Variants in ODAD1 observed in about 807,000 individuals in gnomAD.
The protein encoded by ODAD1 is outer dynein arm-docking complex subunit 1.
Under a neutral mutation model 67.2 loss-of-function variants are expected in ODAD1, and 49 were observed. The observed-to-expected ratio is 0.73, with a 90% CI of 0.58 to 0.92. The LOEUF is 0.92. Ranked by LOEUF, ODAD1 falls within the 40% of genes least tolerant of loss-of-function variation. The probability of loss-of-function intolerance (pLI) is 0.00; values close to 1 mark genes in which losing one functional copy is unlikely to be tolerated. For synonymous variants in ODAD1, 345 were observed against 393.7 expected (o/e 0.88, Z 1.46); for missense variants, 897 against 953.7 (o/e 0.94, Z 0.78).
intron 7 of ODAD1, among the ~76,000 whole-genome samples, chr19:48,309,447 T>C (rs1484448417): frequency 6.6e-6 from 1 of 151,950 alleles, no homozygotes; most frequent in Non-Finnish European, 1.5e-5. Context: ...GGAACCACCC[T>C]CTCCAGGGCC....
At position 48,303,847 on chromosome 19, in the gene ODAD1, G is replaced by A. The variant is rs555701919; in HGVS notation, c.854-63C>T. On this transcript the variant is annotated intron_variant, in intron 9 of 15. Transcript: ENST00000674294. ...GGCCTCCAACACAGAGACCTCCTGGGTGAGGGGGAGCGAAGTGTGGTCCCA... is the reference window on the plus strand; with the variant it reads ...GGCCTCCAACACAGAGACCTCCTGGATGAGGGGGAGCGAAGTGTGGTCCCA... 799 of 1,576,016 alleles carry A rather than the reference G, an allele frequency of 5.1e-4. 3 individuals are homozygous for A. The highest frequency in any genetic ancestry group is 8.5e-4 in the Middle Eastern group (5 of 5,870).
chr19:48,317,594 T>C (rs1056936131), intron 5 of ODAD1, among the ~76,000 whole-genome samples: 1 of 152,158 alleles, frequency 6.6e-6, no homozygotes, highest in Non-Finnish European at 1.5e-5. Context: ...AGTCCTGTTT[T>C]TGAATGCCTG....
At position 48,297,110 on chromosome 19, in the gene ODAD1, CCT is replaced by C. The variant is rs1443056694; in HGVS notation, c.1988_1989del (p.Glu663GlyfsTer11). 2 of 1,613,584 alleles carry C rather than the reference CCT, an allele frequency of 1.2e-6. No homozygotes were observed. The highest frequency in any genetic ancestry group is 8.5e-7 in the Non-Finnish European group (1 of 1,179,682). ...GCTGTGCCTCCGCTCTCCACACCAC[CCT>C]CTGTGTTTTCTCCGCCCCTGCTGGA... ...VGSSRGGENT[E>X]GGVESGGTAS... On this transcript the variant is annotated frameshift_variant, in exon 16 of 16. Transcript: ENST00000674294. LOFTEE classifies it low-confidence loss of function (END_TRUNC).
At chr19:48,317,212 A>G (rs1569011960) in intron 5 of ODAD1, among the ~76,000 whole-genome samples, 1 of 149,506 alleles carries the variant, frequency 6.7e-6, no homozygotes, top group African/African-American at 2.4e-5. Context: ...TAAAAAATGT[A>G]TATATATATA....
In ODAD1 at chr19:48,298,294, G is replaced by C. The variant is rs375942259; in HGVS notation, c.1287C>G (p.Ile429Met). Residue 429 changes from isoleucine (I) to methionine (M), a missense_variant, in exon 13 of 16, where the codon ATC (isoleucine) becomes ATG (methionine). Transcript: ENST00000674294. ...TGGTCTTGACCCCAAGGAGGTCATC[G>C]ATCATGCTGCTGTCGCAATGGGCCT... ...FTKAHCDSSMIDDLLGVKTSM... is the reference protein window; with the variant it reads ...FTKAHCDSSMMDDLLGVKTSM... 2 of 1,614,072 alleles carry C rather than the reference G, an allele frequency of 1.2e-6. No individual in the cohort carries two copies. The highest frequency in any genetic ancestry group is 3.3e-5 in the Admixed American group (2 of 60,010).
intron 7 of ODAD1, among the ~76,000 whole-genome samples, chr19:48,306,826 C>T (rs1284945701): frequency 6.6e-6 from 1 of 152,142 alleles, no homozygotes; most frequent in Non-Finnish European, 1.5e-5. Flanking sequence ...GCGGGCAGAT[C>T]ACCTGAGCTT....
Position 48,304,089 on chromosome 19 carries a change from C to T in ODAD1, c.717G>A (p.Glu239=), listed in dbSNP as rs765089177. 4 of 1,613,976 alleles carry T rather than the reference C, an allele frequency of 2.5e-6. No individual in the cohort carries two copies. The highest frequency in any genetic ancestry group is 3.4e-6 in the Non-Finnish European group (4 of 1,179,938). ...GCGCCTCCATCTCGCTCTGGGCCTCCTCTTTCTCCGCGCGCTCCCGCAGCA... is the reference window on the plus strand; with the variant it reads ...GCGCCTCCATCTCGCTCTGGGCCTCTTCTTTCTCCGCGCGCTCCCGCAGCA... ...MGLLRERAEK[E]EAQSEMEAQV... is the part of the protein sequence containing the mutation. The change falls in exon 9 of 16, where the codon GAG becomes GAA. Residue 239 remains glutamate, a synonymous_variant. Transcript: ENST00000674294.
intron 5 of ODAD1, 110 bp from the exon 6 acceptor site, chr19:48,312,226 C>G (rs1968782091): frequency 1.3e-6 from 1 of 784,936 alleles, no homozygotes; most frequent in Non-Finnish European, 2.0e-6. Context: ...GTCCCTGTCA[C>G]CCCAGAATAA....
At chr19:48,309,165 T>G (rs954774819) in intron 7 of ODAD1, among the ~76,000 whole-genome samples, 7 of 152,034 alleles carry the variant, frequency 4.6e-5, no homozygotes, top group African/African-American at 1.4e-4. Flanking sequence ...ACACCCACTC[T>G]GATCTCAGAG....
rs1968517700 is a variant in ODAD1, at chr19:48,303,237, A to G, written c.989-142T>C. ...CACAGAAACCAAGGCAGAGAGACGA[A>G]CAGAGAGGAGTCACAGAGACAAAGA... On this transcript the variant is annotated intron_variant, in intron 10 of 15. Coordinates refer to ENST00000674294, the MANE Select transcript of ODAD1 (RefSeq NM_001364171.2). The G allele has an allele frequency of 2.7e-5, 19 of 695,290 alleles. 2 individuals carry two copies. The South Asian group carries it at 2.8e-4, about 10-fold the overall frequency. The allele number at this position is 695,290 out of a possible 1,614,324, so 43.1% of individuals were successfully genotyped here. A position where few individuals can be genotyped will look rare whatever the true frequency, so the allele number is the denominator to read the frequency against.
rs1968364599 is a variant in ODAD1 at position 48,298,312 on chromosome 19, A to T, written c.1269T>A (p.His423Gln). 6.2e-7 allele frequency: 1 copy of T among 1,614,186 alleles called. No individual in the cohort carries two copies. Residue 423 changes from histidine (H) to glutamine (Q), a missense_variant, in exon 13 of 16, where the codon CAT becomes CAA. By Grantham distance (24) the His-to-Gln change is conservative. Transcript: ENST00000674294. ...ADIQLLFTKA[H>Q]CDSSMIDDLL... ...GGTCATCGATCATGCTGCTGTCGCA[A>T]TGGGCCTTGGTGAAGAGGAGCTGGA... is the stretch of plus-strand genomic sequence containing the variant.
chr19:48,314,633 G>A (rs1293009839), intron 5 of ODAD1, among the ~76,000 whole-genome samples: 1 of 152,090 alleles, frequency 6.6e-6, no homozygotes, highest in South Asian at 2.1e-4. Context: ...AGCAGTTGCT[G>A]CAATAAAAGC....
At position 48,302,790 on chromosome 19, in the gene ODAD1, C is replaced by A. The variant is rs777952298; in HGVS notation, c.1144G>T (p.Val382Leu). 5 of 1,614,022 alleles carry A rather than the reference C, an allele frequency of 3.1e-6. No homozygotes were observed. In the Admixed American group the frequency reaches 6.7e-5, roughly 22 times the overall value. ...QHLLQEQQQK[V>L]LQQRMDKVHS... The stretch of plus-strand genomic sequence containing the variant: ...ACCTTGTCCATGCGCTGCTGCAACA[C>A]CTTCTGCTGCTGCTCCTGCAGCAAA... The change falls in exon 12 of 16, where the codon GTG (valine) becomes TTG (leucine). Residue 382 changes from valine to leucine, a missense_variant. Transcript: ENST00000674294.
chr19:48,298,474 G>A (rs899594927), intron 12 of ODAD1, 134 bp from the exon 13 acceptor site: 32 of 854,972 alleles, frequency 3.7e-5, no homozygotes, highest in South Asian at 2.6e-4. Flanking sequence ...GGAGTCACCC[G>A]AGCTCAGCCA....
intron 5 of ODAD1, 37 bp downstream of exon 5, chr19:48,318,350 G>T (rs933154599): frequency 6.5e-7 from 1 of 1,527,152 alleles, no homozygotes; most frequent in Non-Finnish European, 8.9e-7. Context: ...ACACTTGCCC[G>T]TAAGCAGGAT....
intron 5 of ODAD1, among the ~76,000 whole-genome samples, chr19:48,316,410 A>G (rs915830371): frequency 6.6e-6 from 1 of 151,484 alleles, no homozygotes; most frequent in African/African-American, 2.4e-5. Context: ...CTAACTGTGC[A>G]AACTGTGTAC....
chr19:48,320,488 G>T (rs1453101036), intron 2 of ODAD1, 97 bp from the exon 3 acceptor site: 1 of 623,088 alleles, frequency 1.6e-6, no homozygotes, highest in East Asian at 8.1e-5. Flanking sequence ...ATTGAAAGGG[G>T]GTGACCCTAG....
chr19:48,297,936 G>T, intron 14 of ODAD1, 64 bp downstream of exon 14: 1 of 1,322,594 alleles, frequency 7.6e-7, no homozygotes, highest in Non-Finnish European at 1.1e-6. Flanking sequence ...TCTCTATCCT[G>T]TGTGTTCCCT....
In ODAD1 at chr19:48,311,574, G is replaced by A. The variant is rs549795539; in HGVS notation, c.576C>T (p.Asn192=). 6.0e-5 allele frequency: 93 copies of A among 1,549,794 alleles called. No individual in the cohort carries two copies. In the African/African-American group the frequency reaches 9.6e-4, roughly 16 times the overall value. Residue 192 remains asparagine (N), a synonymous_variant, in exon 7 of 16, where the codon AAC becomes AAT. Coordinates refer to ENST00000674294, the MANE Select transcript of ODAD1 (RefSeq NM_001364171.2). ...TGACCTTCTTCAGCTTGCGGTCCAC[G>A]TTCAGATAGCGGTTCCTGTCGATCC... ...LLRIDRNRYL[N]VDRKLKKEIH...
Sources: gnomAD v4.1 joint callset for allele counts (sites outside exome capture counted in the v4.1 genomes callset) on GRCh38, gnomAD v4.1.1 for gene constraint, MANE v1.5 for transcripts, NCBI Gene and HGNC (gene_info 2026-07-23, HGNC 2026-07-21) for gene names.